DNASE2B: variants seen among roughly 807,000 people sequenced by gnomAD.
DNASE2B encodes deoxyribonuclease 2 beta.
DNASE2B carries 43 observed loss-of-function variants against 46.0 expected under a neutral mutation model. The ratio of observed to expected loss-of-function variants is 0.94; its 90% CI spans 0.73 to 1.21. DNASE2B has a LOEUF of 1.21. Ranked by LOEUF, DNASE2B falls within the 50% of genes most tolerant of loss-of-function variation. The pLI, the probability that DNASE2B is intolerant of heterozygous loss-of-function variation, is 0.00. For missense variants in DNASE2B, 395 were observed against 414.4 expected, an observed-to-expected ratio of 0.95 and a Z score of 0.41; for synonymous variants, 156 against 152.5, an observed-to-expected ratio of 1.02 and a Z score of -0.17.
chr1:84,401,768 C>A (rs1680423191), intron 1 of DNASE2B, 133 bp from the exon 2 acceptor site: 1 of 641,576 alleles, frequency 1.6e-6, no homozygotes, highest in Non-Finnish European at 2.5e-6. Context: ...AGGCAAAGAG[C>A]TTGAGCAAAT....
chr1:84,412,528 T>A lies in DNASE2B; in HGVS notation c.727T>A (p.Ser243Thr). Residue 243 changes from serine to threonine, a missense_variant, in exon 5 of 6, where the codon TCG becomes ACG. By Grantham distance (58) the Ser-to-Thr change is moderately conservative. Coordinates refer to ENST00000370665, the MANE Select transcript of DNASE2B (RefSeq NM_021233.3). Reference protein sequence around the residue: ...QGQKFLHFAKSDSFLDDIFAA... With the variant: ...QGQKFLHFAKTDSFLDDIFAA... The stretch of plus-strand genomic sequence containing the variant: ...ACAAAAATTCCTCCATTTTGCAAAG[T>A]CGGATTCTTTTCTTGACGGTATGAA... The A allele has an allele frequency of 6.2e-7, 1 of 1,610,606 alleles. No individual in the cohort carries two copies. Among genetic ancestry groups the A allele is most frequent in the Non-Finnish European group, 8.5e-7 (1 of 1,178,218 alleles).
intron 2 of DNASE2B, 40 bp from the exon 3 acceptor site, chr1:84,408,397 G>A (rs183031823): frequency 2.0e-4 from 312 of 1,569,276 alleles, no homozygotes; most frequent in Non-Finnish European, 1.0e-5. Context: ...GTTTGTAAGT[G>A]GAAGATTTAC....
intron 2 of DNASE2B, among the ~76,000 whole-genome samples, chr1:84,408,022 T>G (rs896616386): frequency 6.6e-6 from 1 of 152,202 alleles, no homozygotes; most frequent in Non-Finnish European, 1.5e-5. Flanking sequence ...AGTTCTGCAC[T>G]GTGCCTATAA....
intron 3 of DNASE2B, among the ~76,000 whole-genome samples, chr1:84,409,820 A>G (rs1680558022): frequency 6.6e-6 from 1 of 152,138 alleles, no homozygotes; most frequent in Non-Finnish European, 1.5e-5. Flanking sequence ...CTAATATCCT[A>G]TGGCATTTGT....
chr1:84,403,739 T>G (rs1680456227), intron 2 of DNASE2B, among the ~76,000 whole-genome samples: 1 of 152,148 alleles, frequency 6.6e-6, no homozygotes, highest in African/African-American at 2.4e-5. Flanking sequence ...TTAGTTTCAG[T>G]GCCCGTATCA....
rs1342064867 is a variant in DNASE2B, at chr1:84,398,533, T to C, written c.-32T>C. On this transcript the variant is annotated 5_prime_UTR_variant, in exon 1 of 6. It removes an upstream start codon present in the reference 5' UTR. Coordinates refer to ENST00000370665, the MANE Select transcript of DNASE2B (RefSeq NM_021233.3). Reference sequence around the variant, plus strand: ...CTTGAAACTCAGACTCCACAATCTATGGGGAAAGTGTCCTGCTGTGGCATG... The same window carrying C: ...CTTGAAACTCAGACTCCACAATCTACGGGGAAAGTGTCCTGCTGTGGCATG... 6.8e-6 allele frequency: 11 copies of C among 1,611,740 alleles called. No individual in the cohort carries two copies. The highest frequency in any genetic ancestry group is 8.5e-6 in the Non-Finnish European group (10 of 1,178,738).
intron 2 of DNASE2B, among the ~76,000 whole-genome samples, chr1:84,407,056 A>C (rs1570302636): frequency 6.6e-6 from 1 of 152,326 alleles, no homozygotes; most frequent in African/African-American, 2.4e-5. Flanking sequence ...ATATGTGTTA[A>C]AGGAATAAAG....
chr1:84,410,976 A>G lies in DNASE2B; in HGVS notation c.524A>G (p.Lys175Arg), dbSNP rs368419588. ...NGQSGICITF[K>R]YNQYEAIDSQ... ...CAAAGTGGCATCTGCATAACTTTCAAGTACAACCAGTATGAGGCAATAGGT... is the reference window on the plus strand; with the variant it reads ...CAAAGTGGCATCTGCATAACTTTCAGGTACAACCAGTATGAGGCAATAGGT... The change falls in exon 4 of 6, where the codon AAG becomes AGG. Residue 175 changes from lysine to arginine, a missense_variant. By Grantham distance (26) the Lys-to-Arg change is conservative. Transcript: ENST00000370665. The G allele has an allele frequency of 2.1e-5, 34 of 1,610,814 alleles. No homozygotes were observed. Among genetic ancestry groups the G allele is most frequent in the Non-Finnish European group, 2.8e-5 (33 of 1,178,458 alleles).
chr1:84,403,983 G>A (rs1454956539), intron 2 of DNASE2B, among the ~76,000 whole-genome samples: 2 of 149,330 alleles, frequency 1.3e-5, no homozygotes, highest in African/African-American at 4.9e-5. Flanking sequence ...TGGCGGAGGG[G>A]GTGGGTAAAG....
In DNASE2B at chr1:84,410,983, C is replaced by A. The variant is rs761215984; in HGVS notation, c.531C>A (p.Asn177Lys). The change falls in exon 4 of 6, where the codon AAC (asparagine) becomes AAA (lysine). Residue 177 changes from asparagine (N) to lysine (K), a missense_variant. Coordinates refer to ENST00000370665, the MANE Select transcript of DNASE2B (RefSeq NM_021233.3). ...QSGICITFKY[N>K]QYEAIDSQLL... ...GCATCTGCATAACTTTCAAGTACAA[C>A]CAGTATGAGGCAATAGGTAAAACTA... The A allele has an allele frequency of 1.2e-6, 2 of 1,609,996 alleles. No individual in the cohort carries two copies. The highest frequency in any genetic ancestry group is 4.5e-5 in the East Asian group (2 of 44,756).
chr1:84,408,490 T>TTACA lies in DNASE2B; in HGVS notation c.358_361dup (p.Ser121IlefsTer38), dbSNP rs1680532217. 1 of 1,611,218 alleles carries TTACA rather than the reference T, an allele frequency of 6.2e-7. No individual in the cohort carries two copies. The highest frequency in any genetic ancestry group is 2.2e-5 in the East Asian group (1 of 44,784). On this transcript the variant is annotated frameshift_variant, in exon 3 of 6. Transcript: ENST00000370665. LOFTEE classifies it high-confidence loss of function. ...ATGATGGAGTCCCTAAACCTGTGAA[T>TTACA]TACAGCAGAAAGTATGGACACACCA... is the stretch of plus-strand genomic sequence containing the variant.
In DNASE2B at chr1:84,408,458, A is replaced by G; in HGVS notation, c.325A>G (p.Ile109Val). The G allele has an allele frequency of 6.2e-7, 1 of 1,611,446 alleles. No homozygotes were observed. The highest frequency in any genetic ancestry group is 8.5e-7 in the Non-Finnish European group (1 of 1,178,438). ...ASKSNNTAYL[I>V]YNDGVPKPVN... Reference sequence around the variant, plus strand: ...GCAGAGTAACAACACAGCCTATCTAATATACAATGATGGAGTCCCTAAACC... The same window carrying G: ...GCAGAGTAACAACACAGCCTATCTAGTATACAATGATGGAGTCCCTAAACC... Residue 109 changes from isoleucine to valine, a missense_variant, in exon 3 of 6, where the codon ATA (isoleucine) becomes GTA (valine). Coordinates refer to ENST00000370665, the MANE Select transcript of DNASE2B (RefSeq NM_021233.3).
At chr1:84,402,144 C>T in intron 2 of DNASE2B, 66 bp downstream of exon 2, 1 of 1,484,858 alleles carries the variant, frequency 6.7e-7, no homozygotes, top group East Asian at 2.5e-5. Context: ...CCAAAGCCTT[C>T]ACCAGAGTTT....
At position 84,407,951 on chromosome 1, in the gene DNASE2B, G is replaced by A. The variant is rs1422829343; in HGVS notation, c.304-486G>A. 2.0e-5 allele frequency among the ~76,000 whole-genome samples: 3 copies of A among 152,166 alleles called. No individual in the cohort carries two copies. The South Asian group carries it at 6.2e-4, about 32-fold the overall frequency. On this transcript the variant is annotated intron_variant, in intron 2 of 5. Coordinates refer to ENST00000370665, the MANE Select transcript of DNASE2B (RefSeq NM_021233.3). ...ATGAGGGATCCTGATTAAACACAAC[G>A]CTACTACCCAGCAGTGAAGTGAAGC...
intron 2 of DNASE2B, among the ~76,000 whole-genome samples, chr1:84,402,642 G>A (rs1680440740): frequency 6.6e-6 from 1 of 152,144 alleles, no homozygotes; most frequent in Non-Finnish European, 1.5e-5. Context: ...ACTTTATCAG[G>A]CAATGAGCTA....
At position 84,414,772 on chromosome 1, in the gene DNASE2B, C is replaced by G; in HGVS notation, c.990C>G (p.His330Gln). 1 of 1,614,158 alleles carries G rather than the reference C, an allele frequency of 6.2e-7. No individual in the cohort carries two copies. Among genetic ancestry groups the G allele is most frequent in the Non-Finnish European group, 8.5e-7 (1 of 1,180,006 alleles). ...TTGGAGACCTAAATCGGAGTCCACA[C>G]CAAGCCTTCAGAAGTGGAGGATTCA... ...TCIGDLNRSP[H>Q]QAFRSGGFIC... The change falls in exon 6 of 6, where the codon CAC becomes CAG. Residue 330 changes from histidine to glutamine, a missense_variant. His to Gln is a conservative substitution (Grantham distance 24). Transcript: ENST00000370665.
At chr1:84,399,719 G>A (rs2101846033) in intron 1 of DNASE2B, among the ~76,000 whole-genome samples, 1 of 152,292 alleles carries the variant, frequency 6.6e-6, no homozygotes, top group African/African-American at 2.4e-5. Context: ...AACTTCAGGA[G>A]AATACAGGAA....
At chr1:84,412,621 AT>A in intron 5 of DNASE2B, 75 bp downstream of exon 5, 2 of 1,281,508 alleles carry the variant, frequency 1.6e-6, no homozygotes, top group Admixed American at 2.6e-5. Context: ...TTAGAGAAAT[AT>A]TTTGAGTATT....
intron 4 of DNASE2B, among the ~76,000 whole-genome samples, chr1:84,411,451 T>C (rs1435195831): frequency 3.2e-5 from 3 of 94,068 alleles, no homozygotes; most frequent in Admixed American, 2.8e-4. Flanking sequence ...TGTGTGTGTG[T>C]GTGTGTGTGT....
Sources: allele counts gnomAD v4.1 joint callset (sites outside exome capture counted in the v4.1 genomes callset), GRCh38; gene constraint gnomAD v4.1.1; transcripts MANE v1.5; gene names NCBI Gene and HGNC (gene_info 2026-07-23, HGNC 2026-07-21).